The following NRG4 variants were observed in gnomAD, a reference collection of about 807,000 sequenced individuals.
NRG4 encodes neuregulin 4, also known as pro-neuregulin-4, membrane-bound isoform.
Under a neutral mutation model 15.0 loss-of-function variants are expected in NRG4, and 10 were observed. That is an observed-to-expected ratio of 0.67 (90% CI 0.41 to 1.13). NRG4 has a LOEUF of 1.13. Ranked by LOEUF, NRG4 falls within the 50% of genes most tolerant of loss-of-function variation. The pLI, the probability that NRG4 is intolerant of heterozygous loss-of-function variation, is 0.00. For synonymous variants in NRG4, 41 were observed against 50.1 expected, an observed-to-expected ratio of 0.82 and a Z score of 0.77; for missense variants, 139 against 140.2, an observed-to-expected ratio of 0.99 and a Z score of 0.04.
At chr15:75,995,606 G>A (rs1361661183) in intron 3 of NRG4, among the ~76,000 whole-genome samples, 1 of 152,098 alleles carries the variant, frequency 6.6e-6, no homozygotes, top group Non-Finnish European at 1.5e-5. Context: ...CTATATTTAG[G>A]TTGTGTATTA....
chr15:75,984,597 C>G (rs551931555), intron 3 of NRG4, among the ~76,000 whole-genome samples: 7 of 152,014 alleles, frequency 4.6e-5, no homozygotes, highest in African/African-American at 9.7e-5. Context: ...TAAGAACACA[C>G]GGACACAGGC....
chr15:76,014,418 CAT>C (rs2141917263), upstream of NRG4, among the ~76,000 whole-genome samples: 1 of 152,262 alleles, frequency 6.6e-6, no homozygotes, highest in Non-Finnish European at 1.5e-5. Flanking sequence ...AGTCTTTGCC[CAT>C]ATCTGTGTCC....
Position 75,941,832 on chromosome 15 carries a change from G to C in NRG4, c.*1806C>G, listed in dbSNP as rs1002664234. On this transcript the variant is annotated 3_prime_UTR_variant, in exon 6 of 6. Coordinates refer to ENST00000394907, the MANE Select transcript of NRG4 (RefSeq NM_138573.4). ...TGAAAAAGTTCCGGAGGTGCATAGT[G>C]GTGACTGGTACATACAACGAATGTA... 15 of 151,302 alleles carry C rather than the reference G, an allele frequency of 9.9e-5. No individual in the cohort carries two copies. Among genetic ancestry groups the C allele is most frequent in the African/African-American group, 3.4e-4 (14 of 41,120 alleles). 9.4% of individuals were successfully genotyped at this position (151,302 alleles called of 1,614,324 possible). A position where few individuals can be genotyped will look rare whatever the true frequency, so the allele number is the denominator to read the frequency against.
At chr15:76,028,060 C>T (rs953180073) in intron 5 of NRG4, among the ~76,000 whole-genome samples, 2 of 151,342 alleles carry the variant, frequency 1.3e-5, no homozygotes, top group African/African-American at 2.4e-5. Context: ...AATGTCTACA[C>T]AAAAAACTAG....
intron 2 of NRG4, among the ~76,000 whole-genome samples, chr15:76,056,278 T>A (rs2036148660): frequency 6.6e-6 from 1 of 151,312 alleles, no homozygotes; most frequent in East Asian, 1.9e-4. Context: ...AGAAACCCCA[T>A]CTCTACTTAA....
rs575563418 is a variant in NRG4 at position 76,026,820 on chromosome 15, G to A, written c.-57+9124C>T. Among the ~76,000 whole-genome samples, 249 of 152,244 alleles carry A rather than the reference G, an allele frequency of 1.6e-3. 2 individuals carry two copies. The highest frequency in any genetic ancestry group is 4.1e-3 in the Admixed American group (62 of 15,276). ...TTTAAAAGATATAGATTGGCCGAAA[G>A]GATAAAAAATAAAAACAAGAGGCCA... On this transcript the variant is annotated intron_variant, in intron 5 of 8. Transcript: ENST00000563910.
intron 3 of NRG4, among the ~76,000 whole-genome samples, chr15:75,986,428 G>T (rs1427117683): frequency 6.6e-6 from 1 of 152,076 alleles, no homozygotes; most frequent in Non-Finnish European, 1.5e-5. Context: ...CTATCAGTAG[G>T]GTTAAATACA....
In NRG4 at chr15:76,056,214, G is replaced by A. The variant is rs564467648; in HGVS notation, c.-262+740C>T. Among the ~76,000 whole-genome samples the A allele has an allele frequency of 2.7e-4, 41 of 152,244 alleles. 1 individual carries two copies. The South Asian group carries it at 7.3e-3, about 27-fold the overall frequency. On this transcript the variant is annotated intron_variant, in intron 2 of 8. Coordinates refer to the NRG4 transcript ENST00000563910. ...TGTAATCCCAACCCTTTGGGAGGCC[G>A]AGGCAGGCAGATCACCTCAGGTCAG... is the stretch of plus-strand genomic sequence containing the variant.
intron 4 of NRG4, among the ~76,000 whole-genome samples, chr15:76,039,816 C>T (rs967482837): frequency 2.0e-5 from 3 of 152,086 alleles, no homozygotes; most frequent in African/African-American, 7.2e-5. Flanking sequence ...TAAAGCCTCC[C>T]AAAGGTGGAC....
intron 5 of NRG4, among the ~76,000 whole-genome samples, chr15:76,017,450 T>C (rs2035017051): frequency 2.0e-5 from 3 of 152,068 alleles, no homozygotes. Context: ...GTCTTTACAA[T>C]TTGTTTTTGC....
intron 4 of NRG4, among the ~76,000 whole-genome samples, chr15:76,045,949 A>G (rs1360099099): frequency 6.6e-6 from 1 of 151,134 alleles, no homozygotes; most frequent in Non-Finnish European, 1.5e-5. Context: ...GATTGTTTGT[A>G]ACACACAGGA....
intron 5 of NRG4, among the ~76,000 whole-genome samples, chr15:75,947,005 T>C (rs2031565920): frequency 6.6e-6 from 1 of 152,188 alleles, no homozygotes; most frequent in Admixed American, 6.5e-5. Flanking sequence ...AATGCTGCTA[T>C]TGAGGCAGGA....
intron 2 of NRG4, among the ~76,000 whole-genome samples, chr15:76,009,872 G>C (rs1458349726): frequency 6.6e-6 from 1 of 152,116 alleles, no homozygotes; most frequent in East Asian, 1.9e-4. Context: ...TAACCATAAG[G>C]CATATCTAAA....
intron 3 of NRG4, among the ~76,000 whole-genome samples, chr15:76,000,867 C>T (rs927087032): frequency 4.6e-5 from 7 of 151,616 alleles, no homozygotes; most frequent in African/African-American, 1.7e-4. Context: ...AATTGGGAAG[C>T]CATATATTAA....
rs751023365 is a variant in NRG4, at chr15:75,961,808, C to T, written c.251+20G>A. 2 of 1,581,758 alleles carry T rather than the reference C, an allele frequency of 1.3e-6. No individual in the cohort carries two copies. Among genetic ancestry groups the T allele is most frequent in the Non-Finnish European group, 1.7e-6 (2 of 1,158,232 alleles). ...CTTTATGTATTACTTTTCTCAAAAG[C>T]ATGTTTCTATTTTACTTACCTGCAA... On this transcript the variant is annotated intron_variant, in intron 4 of 5. Transcript: ENST00000394907.
At chr15:76,009,319 G>C (rs1413333065) in intron 2 of NRG4, 26 bp from the exon 3 acceptor site, 1 of 1,182,580 alleles carries the variant, frequency 8.5e-7, no homozygotes, top group Non-Finnish European at 1.2e-6. Flanking sequence ...ATATAAAATA[G>C]AGAAAAGCAA....
intron 4 of NRG4, among the ~76,000 whole-genome samples, chr15:76,046,330 T>C (rs1285757144): frequency 6.6e-6 from 1 of 151,120 alleles, no homozygotes; most frequent in Non-Finnish European, 1.5e-5. Flanking sequence ...ACGGCGTTCT[T>C]TATAAAAATA....
At chr15:76,014,346 A>C (rs2034909723), upstream of NRG4, among the ~76,000 whole-genome samples, 1 of 152,024 alleles carries the variant, frequency 6.6e-6, no homozygotes, top group Non-Finnish European at 1.5e-5. Context: ...TCTTTGGTTT[A>C]ATTAGATCCC....
intron 4 of NRG4, 75 bp from the exon 5 acceptor site, chr15:75,956,086 GTTTTTT>G (rs10711025): frequency 2.1e-6 from 1 of 486,728 alleles, no homozygotes; most frequent in African/African-American, 2.0e-5. Context: ...TAGAAAGAAA[GTTTTTT>G]TTTTTTAATT....
Sources: allele counts gnomAD v4.1 joint callset (sites outside exome capture counted in the v4.1 genomes callset), GRCh38; gene constraint gnomAD v4.1.1; transcripts MANE v1.5; gene names NCBI Gene and HGNC (gene_info 2026-07-23, HGNC 2026-07-21).